The following PDE4B variants were observed in gnomAD, a reference collection of about 807,000 sequenced individuals.
The protein encoded by PDE4B is 3',5'-cyclic-AMP phosphodiesterase 4B.
Under a neutral mutation model 82.2 loss-of-function variants are expected in PDE4B, and 20 were observed. The ratio of observed to expected loss-of-function variants is 0.24; its 90% CI spans 0.17 to 0.35. PDE4B has a LOEUF of 0.35. Ranked by LOEUF, PDE4B falls within the 10% of genes least tolerant of loss-of-function variation. The pLI is 1.00. For synonymous variants in PDE4B, 320 were observed against 318.9 expected (o/e 1.00, Z -0.04); for missense variants, 655 against 907.2 (o/e 0.72, Z 3.57).
At chr1:65,838,128 G>C (rs910748097) in intron 1 of PDE4B, among the ~76,000 whole-genome samples, 3 of 152,078 alleles carry the variant, frequency 2.0e-5, no homozygotes, top group African/African-American at 7.2e-5. Context: ...TTTTCCTCTT[G>C]ACTTCCTTTT....
intron 3 of PDE4B, chr1:65,993,075 T>C (rs546961593): frequency 1.1e-5 from 17 of 1,613,752 alleles, no homozygotes; most frequent in Non-Finnish European, 1.4e-5. Flanking sequence ...CTCACCATGC[T>C]TTTTCAGAAA....
intron 3 of PDE4B, among the ~76,000 whole-genome samples, chr1:66,233,582 A>G (rs1036540179): frequency 3.9e-5 from 6 of 152,340 alleles, no homozygotes; most frequent in Non-Finnish European, 7.4e-5. Context: ...AAGAACAGGC[A>G]TTCGTACCTG....
At chr1:65,843,995 AG>A (rs1174413326) in intron 1 of PDE4B, among the ~76,000 whole-genome samples, 1 of 152,168 alleles carries the variant, frequency 6.6e-6, no homozygotes, top group Non-Finnish European at 1.5e-5. Flanking sequence ...TTGTTTTTAA[AG>A]TTTCAGGTAG....
intron 3 of PDE4B, among the ~76,000 whole-genome samples, chr1:66,203,342 C>T (rs900573323): frequency 6.6e-6 from 1 of 152,024 alleles, no homozygotes; most frequent in Admixed American, 6.6e-5. Context: ...TTGCTCTTCT[C>T]GAGGAGTATC....
chr1:65,885,472 C>G (rs1301149041), intron 1 of PDE4B, among the ~76,000 whole-genome samples: 1 of 152,072 alleles, frequency 6.6e-6, no homozygotes, highest in Non-Finnish European at 1.5e-5. Flanking sequence ...AAATTTCCAT[C>G]AATGATAGAC....
intron 3 of PDE4B, among the ~76,000 whole-genome samples, chr1:66,045,231 C>A (rs1654633417): frequency 6.6e-6 from 1 of 151,722 alleles, no homozygotes; most frequent in Non-Finnish European, 1.5e-5. Flanking sequence ...TCTTTCCCTT[C>A]ATTTTATTAT....
At chr1:66,282,448 A>G (rs1162049669) in intron 7 of PDE4B, among the ~76,000 whole-genome samples, 1 of 152,186 alleles carries the variant, frequency 6.6e-6, no homozygotes, top group African/African-American at 2.4e-5. Context: ...CTCTGACATC[A>G]CAAGGAGAGA....
Position 66,266,019 on chromosome 1 carries a change from C to T in PDE4B, c.585-19C>T. On this transcript the variant is annotated intron_variant, in intron 6 of 16. Coordinates refer to ENST00000341517, the MANE Select transcript of PDE4B (RefSeq NM_002600.4). ...GTTTTGATACACAGACTCAGTCCTT[C>T]TTTTCTCTGTCTCCACAGGAGGTCC... The T allele has an allele frequency of 3.7e-6, 6 of 1,608,000 alleles. No individual in the cohort carries two copies. Among genetic ancestry groups the T allele is most frequent in the Non-Finnish European group, 5.1e-6 (6 of 1,174,518 alleles).
intron 3 of PDE4B, among the ~76,000 whole-genome samples, chr1:66,131,102 T>C (rs1645932571): frequency 6.6e-6 from 1 of 152,142 alleles, no homozygotes; most frequent in South Asian, 2.1e-4. Context: ...AATTTTTCAA[T>C]TTCAGGTTGG....
chr1:66,266,179 G>A, intron 7 of PDE4B, 92 bp downstream of exon 7: 2 of 1,005,260 alleles, frequency 2.0e-6, no homozygotes, highest in Non-Finnish European at 3.1e-6. Context: ...CAATAGTGTT[G>A]TTTGCATATT....
At chr1:66,191,463 A>G (rs1286252084) in intron 3 of PDE4B, among the ~76,000 whole-genome samples, 1 of 152,186 alleles carries the variant, frequency 6.6e-6, no homozygotes, top group Non-Finnish European at 1.5e-5. Flanking sequence ...TCATTTTACA[A>G]TGTATATTTA....
At chr1:66,297,983 C>G (rs1657629651) in intron 7 of PDE4B, among the ~76,000 whole-genome samples, 1 of 152,250 alleles carries the variant, frequency 6.6e-6, no homozygotes, top group Admixed American at 6.5e-5. Flanking sequence ...ATGTAAAAGT[C>G]TGCCCAAAGC....
In PDE4B at chr1:66,372,599, T is replaced by C; in HGVS notation, c.2132T>C (p.Ile711Thr). ...AGCAGCACAAAGACGCTTTGTGTGA[T>C]TGATCCAGAAAACAGAGATTCCCTG... ...YFSSTKTLCV[I>T]DPENRDSLGE... Residue 711 changes from isoleucine (I) to threonine (T), a missense_variant, in exon 17 of 17, where the codon ATT becomes ACT. Physicochemically the swap from Ile to Thr is moderately conservative, Grantham distance 89. Transcript: ENST00000341517. The C allele has an allele frequency of 1.9e-6, 3 of 1,614,140 alleles. No individual in the cohort carries two copies. The highest frequency in any genetic ancestry group is 2.5e-6 in the Non-Finnish European group (3 of 1,179,986).
intron 13 of PDE4B, among the ~76,000 whole-genome samples, chr1:66,366,514 CT>C (rs1663262931): frequency 6.6e-6 from 1 of 152,154 alleles, no homozygotes; most frequent in South Asian, 2.1e-4. Context: ...ACATCAAGTA[CT>C]GACAGTTTTC....
chr1:65,864,543 G>A lies in PDE4B; in HGVS notation c.-70-48702G>A, dbSNP rs540882677. ...GCTGATGACCTTTGGATGGGTTTTT[G>A]TGCGGGGGTCCTTTATGTTGATGTT... is the stretch of plus-strand genomic sequence containing the variant. On this transcript the variant is annotated intron_variant, in intron 1 of 16. Transcript: ENST00000341517. 3.3e-5 allele frequency among the ~76,000 whole-genome samples: 5 copies of A among 152,188 alleles called. No homozygotes were observed. The South Asian group carries it at 6.2e-4, about 19-fold the overall frequency.
chr1:66,047,649 C>T (rs1170524324), intron 3 of PDE4B, among the ~76,000 whole-genome samples: 6 of 151,910 alleles, frequency 3.9e-5, no homozygotes, highest in African/African-American at 1.2e-4. Flanking sequence ...ATGCTTTAGA[C>T]TCATAACTCC....
At chr1:66,368,256 T>C in intron 15 of PDE4B, 191 bp downstream of exon 15, 1 of 567,578 alleles carries the variant, frequency 1.8e-6, no homozygotes, top group South Asian at 2.6e-5. Flanking sequence ...TGAGGAAAAA[T>C]AATCTCTATT....
chr1:65,913,405 T>C, intron 2 of PDE4B, 49 bp downstream of exon 2: 2 of 1,573,094 alleles, frequency 1.3e-6, no homozygotes, highest in Non-Finnish European at 1.7e-6. Context: ...AATAAAGAAG[T>C]CACTGGATAA....
chr1:65,976,809 G>T (rs1048769040), intron 3 of PDE4B, among the ~76,000 whole-genome samples: 2 of 152,056 alleles, frequency 1.3e-5, no homozygotes, highest in Non-Finnish European at 2.9e-5. Context: ...AGTTTCCTGA[G>T]GCTTCCTAGC....
Sources: allele counts gnomAD v4.1 joint callset (sites outside exome capture counted in the v4.1 genomes callset), GRCh38; gene constraint gnomAD v4.1.1; transcripts MANE v1.5; gene names NCBI Gene and HGNC (gene_info 2026-07-23, HGNC 2026-07-21).